Variants in EPHA3 observed in about 807,000 individuals in gnomAD.
EPHA3 encodes EPH receptor A3.
Under a neutral mutation model 107.1 loss-of-function variants are expected in EPHA3, and 42 were observed. The ratio of observed to expected loss-of-function variants is 0.39; its 90% CI spans 0.31 to 0.51. The LOEUF is 0.51. Among genes scored for constraint, EPHA3 ranks in the 20% least tolerant of loss-of-function variants. The pLI, the probability that EPHA3 is intolerant of heterozygous loss-of-function variation, is 0.78. For synonymous variants in EPHA3, 461 were observed against 424.8 expected (o/e 1.09, Z -1.05); for missense variants, 1,183 against 1,211.2 (o/e 0.98, Z 0.35).
At chr3:89,419,828 T>C (rs1709321733) in intron 11 of EPHA3, among the ~76,000 whole-genome samples, 1 of 151,362 alleles carries the variant, frequency 6.6e-6, no homozygotes, top group Non-Finnish European at 1.5e-5. Flanking sequence ...CATCCCTGCC[T>C]TTAGGAAAAT....
At chr3:89,428,021 G>A (rs1709492861) in intron 11 of EPHA3, among the ~76,000 whole-genome samples, 1 of 151,832 alleles carries the variant, frequency 6.6e-6, no homozygotes, top group South Asian at 2.1e-4. Context: ...TGTCTAAAGT[G>A]CTTAAGTCTT....
At chr3:89,460,712 G>C (rs558123214) in intron 15 of EPHA3, among the ~76,000 whole-genome samples, 22 of 147,098 alleles carry the variant, frequency 1.5e-4, no homozygotes, top group Non-Finnish European at 2.8e-4. Context: ...AAATGACTTT[G>C]ACCTCAAATT....
chr3:89,200,680 C>G (rs1335472442), intron 2 of EPHA3, among the ~76,000 whole-genome samples: 2 of 152,180 alleles, frequency 1.3e-5, no homozygotes, highest in African/African-American at 4.8e-5. Flanking sequence ...GTAGTTTTGT[C>G]CAATATCTTT....
chr3:89,175,762 T>C (rs1705308042), intron 2 of EPHA3, among the ~76,000 whole-genome samples: 1 of 152,178 alleles, frequency 6.6e-6, no homozygotes, highest in Non-Finnish European at 1.5e-5. Context: ...CCTTTTGGTT[T>C]CTGAACCATG....
At chr3:89,390,313 C>T (rs1161529829) in intron 5 of EPHA3, among the ~76,000 whole-genome samples, 1 of 152,046 alleles carries the variant, frequency 6.6e-6, no homozygotes, top group Non-Finnish European at 1.5e-5. Flanking sequence ...AAGAGTGGTA[C>T]TTTGGCCGGG....
chr3:89,244,242 G>A lies in EPHA3; in HGVS notation c.814+33722G>A, dbSNP rs537836690. ...GATTTTTAAGCCAATAAAATAGCTA[G>A]GTTACCAGGAATATTAATTTTTAGA... On this transcript the variant is annotated intron_variant, in intron 3 of 16. Transcript: ENST00000336596. Among the ~76,000 whole-genome samples the A allele has an allele frequency of 2.0e-5, 3 of 152,054 alleles. 1 individual carries two copies. Among genetic ancestry groups the A allele is most frequent in the African/African-American group, 7.2e-5 (3 of 41,514 alleles).
chr3:89,315,477 T>A (rs1706875044), intron 3 of EPHA3, among the ~76,000 whole-genome samples: 1 of 151,862 alleles, frequency 6.6e-6, no homozygotes, highest in Non-Finnish European at 1.5e-5. Flanking sequence ...TAGCGATTCA[T>A]ACAAATGTGT....
At chr3:89,200,165 A>C (rs900883247) in intron 2 of EPHA3, among the ~76,000 whole-genome samples, 5 of 152,244 alleles carry the variant, frequency 3.3e-5, no homozygotes, top group Admixed American at 2.0e-4. Flanking sequence ...TCAATAAACA[A>C]AAATTTGAAT....
chr3:89,449,867 AAAT>A (rs1209356058), intron 14 of EPHA3, among the ~76,000 whole-genome samples: 4 of 152,224 alleles, frequency 2.6e-5, no homozygotes, highest in South Asian at 2.1e-4. Context: ...CTATATAACC[AAAT>A]AATAATTTCT....
chr3:89,153,477 G>A (rs1704731229), intron 2 of EPHA3, among the ~76,000 whole-genome samples: 1 of 151,944 alleles, frequency 6.6e-6, no homozygotes, highest in African/African-American at 2.4e-5. Context: ...TTCTCCTGCA[G>A]TCTTCCTCAT....
intron 5 of EPHA3, among the ~76,000 whole-genome samples, chr3:89,343,096 T>A (rs578133837): frequency 6.6e-6 from 1 of 152,298 alleles, no homozygotes; most frequent in East Asian, 1.9e-4. Flanking sequence ...CACCCCTTGC[T>A]CTGAGAATAT....
At chr3:89,439,792 G>A (rs1057198410) in intron 13 of EPHA3, among the ~76,000 whole-genome samples, 2 of 151,116 alleles carry the variant, frequency 1.3e-5, no homozygotes, top group South Asian at 2.1e-4. Context: ...CTTACTCCCC[G>A]ATGTTTGCAT....
intron 2 of EPHA3, among the ~76,000 whole-genome samples, chr3:89,143,557 T>G (rs897499429): frequency 6.6e-6 from 1 of 151,610 alleles, no homozygotes; most frequent in Non-Finnish European, 1.5e-5. Context: ...AGCTGTCAAT[T>G]ATTTCATGTA....
chr3:89,360,886 C>T (rs1708078006), intron 5 of EPHA3, among the ~76,000 whole-genome samples: 1 of 150,986 alleles, frequency 6.6e-6, no homozygotes, highest in South Asian at 2.1e-4. Flanking sequence ...TCCAAGGTGA[C>T]TGGCATTACT....
chr3:89,425,073 A>G (rs1709429608), intron 11 of EPHA3, among the ~76,000 whole-genome samples: 2 of 151,366 alleles, frequency 1.3e-5, no homozygotes. Flanking sequence ...TTAGAACTAC[A>G]GACAAATGGG....
intron 5 of EPHA3, among the ~76,000 whole-genome samples, chr3:89,382,206 C>G (rs1278433757): frequency 6.6e-6 from 1 of 151,910 alleles, no homozygotes; most frequent in Non-Finnish European, 1.5e-5. Flanking sequence ...AGAAGGTTGC[C>G]ACTAAAAAAT....
At chr3:89,155,635 T>C (rs956636059) in intron 2 of EPHA3, among the ~76,000 whole-genome samples, 2 of 152,124 alleles carry the variant, frequency 1.3e-5, no homozygotes, top group African/African-American at 4.8e-5. Context: ...TTTACAAATA[T>C]CATTTATAAA....
rs1165531072 is a variant in EPHA3 at position 89,216,812 on chromosome 3, T to C, written c.814+6292T>C. Among the ~76,000 whole-genome samples the C allele has an allele frequency of 7.2e-5, 11 of 152,136 alleles. No homozygotes were observed. The East Asian group carries it at 1.3e-3, about 19-fold the overall frequency. On this transcript the variant is annotated intron_variant, in intron 3 of 16. Coordinates refer to ENST00000336596, the MANE Select transcript of EPHA3 (RefSeq NM_005233.6). ...ATGTAACCATGTTTTTCAGAATACA[T>C]GTAATGATTCCAGAGAATGATTATT...
rs181680647 is a variant in EPHA3, at chr3:89,325,225, T to C, written c.815-15691T>C. On this transcript the variant is annotated intron_variant, in intron 3 of 16. Transcript: ENST00000336596. ...CTCTTCCACTTTGCACTCTGCATCA[T>C]CTAAAATCTTCATATCATCTACATA... 2.6e-5 allele frequency among the ~76,000 whole-genome samples: 4 copies of C among 152,278 alleles called. No individual in the cohort carries two copies. In the East Asian group the frequency reaches 7.7e-4, roughly 29 times the overall value.
Sources: gnomAD v4.1 joint callset for allele counts (sites outside exome capture counted in the v4.1 genomes callset) on GRCh38, gnomAD v4.1.1 for gene constraint, MANE v1.5 for transcripts, NCBI Gene and HGNC (gene_info 2026-07-23, HGNC 2026-07-21) for gene names.